RBMS3: variants seen among roughly 807,000 people sequenced by gnomAD.
RBMS3 encodes the protein RNA-binding motif, single-stranded-interacting protein 3.
Under a neutral mutation model 66.8 loss-of-function variants are expected in RBMS3, and 27 were observed. The ratio of observed to expected loss-of-function variants is 0.40; its 90% CI spans 0.30 to 0.56. RBMS3 has a LOEUF of 0.56. Ranked by LOEUF, RBMS3 falls within the 20% of genes least tolerant of loss-of-function variation. The pLI is 0.40. For missense variants in RBMS3, 513 were observed against 549.5 expected (o/e 0.93, Z 0.66); for synonymous variants, 188 against 183.0 (o/e 1.03, Z -0.22).
At chr3:29,995,561 A>C (rs1299845359) in intron 14 of RBMS3, among the ~76,000 whole-genome samples, 2 of 148,198 alleles carry the variant, frequency 1.3e-5, no homozygotes, top group Non-Finnish European at 3.0e-5. Flanking sequence ...CTAACAGCGG[A>C]TCTCTCAGCA....
chr3:29,882,921 G>T (rs767191000), intron 7 of RBMS3, among the ~76,000 whole-genome samples: 8 of 151,920 alleles, frequency 5.3e-5, no homozygotes, highest in Non-Finnish European at 1.2e-4. Flanking sequence ...CTCACAGGAA[G>T]TTACAAAATA....
intron 5 of RBMS3, among the ~76,000 whole-genome samples, chr3:29,747,173 A>G (rs1428840263): frequency 6.6e-6 from 1 of 152,140 alleles, no homozygotes; most frequent in Non-Finnish European, 1.5e-5. Context: ...TTTATTTAGT[A>G]TATTTTCTAC....
intron 2 of RBMS3, among the ~76,000 whole-genome samples, chr3:29,461,244 G>C (rs891189778): frequency 6.6e-6 from 1 of 152,136 alleles, no homozygotes; most frequent in African/African-American, 2.4e-5. Context: ...TTACAGTTTT[G>C]AGGGATTTCC....
At chr3:29,943,923 C>T (rs181121949) in intron 11 of RBMS3, among the ~76,000 whole-genome samples, 2 of 151,720 alleles carry the variant, frequency 1.3e-5, no homozygotes, top group East Asian at 3.9e-4. Flanking sequence ...TATATTGATT[C>T]CCTAAGGGAG....
intron 1 of RBMS3, among the ~76,000 whole-genome samples, chr3:29,345,430 A>AT (rs550581811): frequency 1.8e-4 from 28 of 151,586 alleles, no homozygotes; most frequent in East Asian, 9.7e-4. Context: ...AAGGAGGAGG[A>AT]TTTTTTTTTC....
At chr3:29,820,722 T>A (rs1006106811) in intron 6 of RBMS3, among the ~76,000 whole-genome samples, 1 of 152,190 alleles carries the variant, frequency 6.6e-6, no homozygotes, top group African/African-American at 2.4e-5. Flanking sequence ...AGTGTTACTT[T>A]GTAAACTAAT....
chr3:29,626,435 C>T (rs1218477446), intron 4 of RBMS3, among the ~76,000 whole-genome samples: 1 of 152,112 alleles, frequency 6.6e-6, no homozygotes. Context: ...CAATATTAGC[C>T]ATTCTAACCT....
chr3:29,814,265 T>C (rs2057811569), intron 6 of RBMS3, among the ~76,000 whole-genome samples: 1 of 152,150 alleles, frequency 6.6e-6, no homozygotes, highest in South Asian at 2.1e-4. Context: ...TTGGTTCTGT[T>C]TATATGCTGG....
chr3:29,905,513 T>G (rs560951039), intron 10 of RBMS3, among the ~76,000 whole-genome samples: 1 of 152,222 alleles, frequency 6.6e-6, no homozygotes, highest in Non-Finnish European at 1.5e-5. Flanking sequence ...TTTCGTCCTC[T>G]GGCATAAATT....
chr3:29,406,966 T>C (rs2040044811), intron 1 of RBMS3, among the ~76,000 whole-genome samples: 1 of 152,180 alleles, frequency 6.6e-6, no homozygotes, highest in Non-Finnish European at 1.5e-5. Context: ...ACCTTAACTT[T>C]GTGAGTTAGA....
At chr3:29,549,625 C>A (rs2046112122) in intron 3 of RBMS3, among the ~76,000 whole-genome samples, 2 of 151,944 alleles carry the variant, frequency 1.3e-5, no homozygotes, top group Admixed American at 6.6e-5. Context: ...GTCTCGAACA[C>A]CTGACCTCAG....
chr3:29,302,805 G>A lies in RBMS3; in HGVS notation c.75+21049G>A, dbSNP rs553108798. The stretch of plus-strand genomic sequence containing the variant: ...GGATGCATTATCACTTGTTAATCTG[G>A]TCTGGGGGAGAAAATGCTTCTTGCC... On this transcript the variant is annotated intron_variant, in intron 1 of 14. Coordinates refer to ENST00000383767, the MANE Select transcript of RBMS3 (RefSeq NM_001003793.3). Among the ~76,000 whole-genome samples the A allele has an allele frequency of 5.3e-5, 8 of 152,070 alleles. No individual in the cohort carries two copies. The South Asian group carries it at 1.7e-3, about 32-fold the overall frequency.
intron 4 of RBMS3, among the ~76,000 whole-genome samples, chr3:29,631,427 G>A (rs923698065): frequency 6.6e-6 from 1 of 151,808 alleles, no homozygotes; most frequent in Non-Finnish European, 1.5e-5. Context: ...ATATTCTTGA[G>A]TCATCTGATA....
At chr3:29,699,891 C>A (rs7653357) in intron 4 of RBMS3, among the ~76,000 whole-genome samples, 18,322 of 152,118 alleles carry the variant, frequency 0.12, 2,391 homozygotes, top group African/African-American at 0.32. Context: ...AAGAAAGCCA[C>A]TGCCACTTAT....
chr3:29,845,261 T>TA (rs1291884054), intron 6 of RBMS3, among the ~76,000 whole-genome samples: 4 of 152,232 alleles, frequency 2.6e-5, no homozygotes, highest in Non-Finnish European at 4.4e-5. Context: ...TGCAAGTTGG[T>TA]AGTTAAGAGT....
intron 10 of RBMS3, among the ~76,000 whole-genome samples, chr3:29,924,516 A>G (rs1485066820): frequency 6.6e-6 from 1 of 152,118 alleles, no homozygotes; most frequent in Non-Finnish European, 1.5e-5. Context: ...ACAAGAAGCA[A>G]CTGGACTGGT....
intron 3 of RBMS3, among the ~76,000 whole-genome samples, chr3:29,497,257 C>T (rs1347569220): frequency 6.6e-6 from 1 of 152,116 alleles, no homozygotes; most frequent in Non-Finnish European, 1.5e-5. Context: ...GATCCGCCCG[C>T]CTCAACCTCC....
At chr3:29,995,570 C>A (rs199564585) in intron 14 of RBMS3, among the ~76,000 whole-genome samples, 1 of 144,326 alleles carries the variant, frequency 6.9e-6, no homozygotes, top group Non-Finnish European at 1.6e-5. Flanking sequence ...GATCTCTCAG[C>A]AGAAACTCTA....
chr3:29,573,460 C>CT (rs910842601), intron 3 of RBMS3, among the ~76,000 whole-genome samples: 8 of 151,826 alleles, frequency 5.3e-5, no homozygotes, highest in African/African-American at 1.9e-4. Flanking sequence ...GGTTGTCTTC[C>CT]TTTTTTTTCT....
Sources: allele counts gnomAD v4.1 joint callset (sites outside exome capture counted in the v4.1 genomes callset), GRCh38; gene constraint gnomAD v4.1.1; transcripts MANE v1.5; gene names NCBI Gene and HGNC (gene_info 2026-07-23, HGNC 2026-07-21).